The following MILR1 variants were observed in gnomAD, a reference collection of about 807,000 sequenced individuals.
MILR1 encodes mast cell immunoglobulin like receptor 1, also known as allergin-1.
In MILR1, 31 loss-of-function variants were observed where a neutral mutation model predicts 18.5. That is an observed-to-expected ratio of 1.68 (90% confidence interval 1.26 to 2.26). The LOEUF is 2.26. Ranked by LOEUF, MILR1 falls within the 30% of genes most tolerant of loss-of-function variation. The pLI is 0.00. For missense variants in MILR1, 257 were observed against 157.4 expected, an observed-to-expected ratio of 1.63 and a Z score of -3.38; for synonymous variants, 85 against 56.2, an observed-to-expected ratio of 1.51 and a Z score of -2.30.
the MILR1 span, among the ~76,000 whole-genome samples, chr17:64,476,859 G>T: frequency 6.6e-6 from 1 of 151,202 alleles, no homozygotes; most frequent in South Asian, 2.1e-4. Flanking sequence ...AAAAAAAAGA[G>T]AAAAACCTAC....
downstream of MILR1, among the ~76,000 whole-genome samples, chr17:64,471,764 C>A (rs2037689972): frequency 6.6e-6 from 1 of 152,178 alleles, no homozygotes; most frequent in Non-Finnish European, 1.5e-5. Context: ...CTAGCCTGGG[C>A]AACTTGGCGA....
In MILR1 at chr17:64,467,599, T is replaced by C; in HGVS notation, c.1014T>C (p.Tyr338=). 1.3e-6 allele frequency: 2 copies of C among 1,563,352 alleles called. No individual in the cohort carries two copies. Among genetic ancestry groups the C allele is most frequent in the Non-Finnish European group, 1.7e-6 (2 of 1,145,260 alleles). The part of the protein sequence containing the change: ...ACDSYKSGYV[Y]SELNF ...ATTCTTATAAATCTGGATATGTCTA[T>C]TCTGAACTCAACTTCTGAAATTTAC... The change falls in exon 9 of 10, where the codon TAT becomes TAC. Residue 338 remains tyrosine (Y), a synonymous_variant. Transcript: ENST00000619286.
rs1413953029 is a variant in MILR1 at position 64,449,143 on chromosome 17, C to A, written c.-26C>A. Reference sequence around the variant, plus strand: ...ACTGTGGTTCTACTATGCCTTCTGACCCCGTCTTGGACTTCAACTGGGAGA... The same window carrying A: ...ACTGTGGTTCTACTATGCCTTCTGAACCCGTCTTGGACTTCAACTGGGAGA... On this transcript the variant is annotated 5_prime_UTR_variant, in exon 1 of 10. Coordinates refer to ENST00000619286, the MANE Select transcript of MILR1 (RefSeq NM_001085423.2). The A allele has an allele frequency of 8.6e-6, 4 of 464,512 alleles. No individual in the cohort carries two copies. Among genetic ancestry groups the A allele is most frequent in the Non-Finnish European group, 1.6e-5 (4 of 253,606 alleles). 28.8% of individuals were successfully genotyped at this position (464,512 alleles called of 1,614,324 possible).
chr17:64,460,867 T>A lies in MILR1; in HGVS notation c.698T>A (p.Leu233Ter). The change falls in exon 5 of 10, where the codon TTA becomes TAA. Residue 233 changes from leucine (L) to a stop codon, truncating the protein, a stop_gained. Coordinates refer to ENST00000619286, the MANE Select transcript of MILR1 (RefSeq NM_001085423.2). LOFTEE classifies it high-confidence loss of function. ...TGTCTGAAGCTACTACTTCCAGGGT[T>A]ATTACTGTTGCTGGTGGTGATAATC... is the stretch of plus-strand genomic sequence containing the variant. ...PFCLKLLLPG[L>*]LLLLVVIILI... 2.1e-6 allele frequency: 1 copy of A among 475,282 alleles called. No individual in the cohort carries two copies. 29.4% of individuals were successfully genotyped at this position (475,282 alleles called of 1,614,324 possible). A position where few individuals can be genotyped will look rare whatever the true frequency, so the allele number is the denominator to read the frequency against.
chr17:64,476,392 C>G, the MILR1 span, among the ~76,000 whole-genome samples: 1 of 151,890 alleles, frequency 6.6e-6, no homozygotes, highest in African/African-American at 2.4e-5. Flanking sequence ...AAATAATATT[C>G]AAGGAGGCCA....
chr17:64,494,600 G>T, the MILR1 span, among the ~76,000 whole-genome samples: 2 of 151,804 alleles, frequency 1.3e-5, no homozygotes, highest in African/African-American at 4.8e-5. Flanking sequence ...GACCTCTAGG[G>T]TCAATTATTT....
chr17:64,449,761 C>T (rs1386409416), intron 2 of MILR1, among the ~76,000 whole-genome samples: 1 of 151,902 alleles, frequency 6.6e-6, no homozygotes, highest in South Asian at 2.1e-4. Context: ...CATAGTGATA[C>T]CTCGTTTCTT....
chr17:64,449,217 G>A lies in MILR1; in HGVS notation c.49G>A (p.Val17Ile). The change falls in exon 1 of 10, where the codon GTC (valine) becomes ATC (isoleucine). Residue 17 changes from valine to isoleucine, a missense_variant. Transcript: ENST00000619286. Reference sequence around the variant, plus strand: ...CCTCTTCTGGAGCATATTTTCTTCTGTCACTTGTAAGCCCCCCTTATCATT... The same window carrying A: ...CCTCTTCTGGAGCATATTTTCTTCTATCACTTGTAAGCCCCCCTTATCATT... ...RLLFWSIFSS[V>I]TCRKAVLDCE... 4 of 473,232 alleles carry A rather than the reference G, an allele frequency of 8.5e-6. No homozygotes were observed. The highest frequency in any genetic ancestry group is 1.5e-5 in the Non-Finnish European group (4 of 258,138). The allele number at this position is 473,232 out of a possible 1,614,324, so 29.3% of individuals were successfully genotyped here.
the MILR1 span, chr17:64,496,747 C>T: frequency 6.8e-6 from 11 of 1,614,098 alleles, no homozygotes; most frequent in Middle Eastern, 1.6e-4. Context: ...AATGCCTTCT[C>T]TGACAGATCT....
At chr17:64,490,797 T>C in the MILR1 span, 1 of 1,610,840 alleles carries the variant, frequency 6.2e-7, no homozygotes, top group Admixed American at 1.7e-5. Context: ...AAAACATACA[T>C]GTAATTTAGA....
the MILR1 span, among the ~76,000 whole-genome samples, chr17:64,493,987 A>G: frequency 6.6e-6 from 1 of 152,220 alleles, no homozygotes; most frequent in South Asian, 2.1e-4. Context: ...AAAGTTAACC[A>G]TAATACCACA....
downstream of MILR1, among the ~76,000 whole-genome samples, chr17:64,469,277 G>A (rs563324897): frequency 1.3e-5 from 2 of 152,120 alleles, no homozygotes; most frequent in Non-Finnish European, 2.9e-5. Flanking sequence ...ATTGCCTCTG[G>A]TTTGCTGTGG....
the MILR1 span, among the ~76,000 whole-genome samples, chr17:64,475,605 C>T: frequency 2.7e-5 from 4 of 148,204 alleles, no homozygotes; most frequent in African/African-American, 5.0e-5. Flanking sequence ...GCTGAGTTTG[C>T]GCCACTGTAC....
the MILR1 span, among the ~76,000 whole-genome samples, chr17:64,491,980 TAAAAA>T: frequency 7.3e-6 from 1 of 136,600 alleles, no homozygotes; most frequent in Non-Finnish European, 1.6e-5. Context: ...TAAAATAAAA[TAAAAA>T]GTGAAAATAC....
At chr17:64,495,713 A>AT in the MILR1 span, among the ~76,000 whole-genome samples, 93 of 147,874 alleles carry the variant, frequency 6.3e-4, no homozygotes, top group Non-Finnish European at 8.4e-4. Context: ...AACTATTTGA[A>AT]TTTTTTTTTT....
intron 5 of MILR1, 142 bp downstream of exon 5, chr17:64,461,074 G>A (rs946449741): frequency 5.5e-6 from 2 of 364,828 alleles, no homozygotes; most frequent in Non-Finnish European, 1.0e-5. Context: ...CATGAGAAAG[G>A]GGGGCGGGAA....
chr17:64,449,553 G>A (rs2037118699), intron 2 of MILR1, among the ~76,000 whole-genome samples, 198 bp downstream of exon 2: 1 of 152,132 alleles, frequency 6.6e-6, no homozygotes, highest in Non-Finnish European at 1.5e-5. Context: ...GAGACTCAGT[G>A]AGAAAAATAA....
rs868919738 is a variant in MILR1, at chr17:64,467,580, A to G, written c.995A>G (p.Tyr332Cys). The G allele has an allele frequency of 1.9e-6, 3 of 1,545,798 alleles. No homozygotes were observed. The highest frequency in any genetic ancestry group is 3.3e-4 in the Middle Eastern group (2 of 5,976). ...TATATTTCAGAAGCCTGTGATTCTT[A>G]TAAATCTGGATATGTCTATTCTGAA... ...APREQEACDS[Y>C]KSGYVYSELN... Residue 332 changes from tyrosine (Y) to cysteine (C), a missense_variant, in exon 9 of 10, where the codon TAT (tyrosine) becomes TGT (cysteine). Tyr to Cys is a radical substitution (Grantham distance 194). Transcript: ENST00000619286.
rs2037330846 is a variant in MILR1, at chr17:64,457,632, C to T, written c.600C>T (p.Asn200=). 1 of 475,242 alleles carries T rather than the reference C, an allele frequency of 2.1e-6. No homozygotes were observed. Among genetic ancestry groups the T allele is most frequent in the South Asian group, 6.7e-5 (1 of 14,884 alleles). 29.4% of individuals were successfully genotyped at this position (475,242 alleles called of 1,614,324 possible). The change falls in exon 4 of 10, where the codon AAC becomes AAT. Residue 200 remains asparagine (N), a synonymous_variant. Transcript: ENST00000619286. ...AAGAGTATAGGTGTGAAGCTAAAAA[C>T]AGATTGCCTAACTATGCAACATACA... ...EEEEYRCEAK[N]RLPNYATYSH...
Sources: allele counts gnomAD v4.1 joint callset (sites outside exome capture counted in the v4.1 genomes callset), GRCh38; gene constraint gnomAD v4.1.1; transcripts MANE v1.5; gene names NCBI Gene and HGNC (gene_info 2026-07-23, HGNC 2026-07-21).